LRRTM4: variants seen among roughly 807,000 people sequenced by gnomAD.
The protein encoded by LRRTM4 is leucine rich repeat transmembrane neuronal 4.
A neutral mutation model predicts 47.6 loss-of-function variants in LRRTM4; 25 were observed. That is an observed-to-expected ratio of 0.53 (90% confidence interval 0.38 to 0.73). LRRTM4 has a LOEUF of 0.73. Ranked by LOEUF, LRRTM4 falls within the 30% of genes least tolerant of loss-of-function variation. LRRTM4 has a pLI of 0.00. For missense variants in LRRTM4, 638 were observed against 713.4 expected (o/e 0.89, Z 1.20); for synonymous variants, 311 against 269.5 (o/e 1.15, Z -1.51).
At chr2:77,444,478 T>A (rs7566092) in intron 3 of LRRTM4, among the ~76,000 whole-genome samples, 116,528 of 151,876 alleles carry the variant, frequency 0.77, 44,834 homozygotes, top group African/African-American at 0.8. Flanking sequence ...ACAGGCTGAC[T>A]CAATTGATTA....
intron 3 of LRRTM4, among the ~76,000 whole-genome samples, chr2:76,952,817 G>T (rs556392300): frequency 6.6e-6 from 1 of 151,878 alleles, no homozygotes; most frequent in South Asian, 2.1e-4. Flanking sequence ...GGGGGACTGG[G>T]TGTGGTACAC....
In LRRTM4 at chr2:77,454,342, T is replaced by C. The variant is rs192138663; in HGVS notation, c.1551+63976A>G. On this transcript the variant is annotated intron_variant, in intron 3 of 3. Transcript: ENST00000409884. ...ACAAGAATCTGCTTTTTTAGTACTT[T>C]TACCCAATCATTTAAAGCTGTGACG... 2.6e-5 allele frequency among the ~76,000 whole-genome samples: 4 copies of C among 152,310 alleles called. No individual in the cohort carries two copies. The East Asian group carries it at 7.7e-4, about 29-fold the overall frequency.
intron 3 of LRRTM4, among the ~76,000 whole-genome samples, chr2:76,787,800 T>A (rs777910786): frequency 1.6e-4 from 25 of 152,190 alleles, no homozygotes; most frequent in Middle Eastern, 3.4e-3. Flanking sequence ...TGATTTTCTT[T>A]TCTGTCCAAG....
At chr2:77,390,606 A>C (rs1395978458) in intron 3 of LRRTM4, among the ~76,000 whole-genome samples, 1 of 151,900 alleles carries the variant, frequency 6.6e-6, no homozygotes, top group Admixed American at 6.6e-5. Flanking sequence ...TATTCTAGAA[A>C]GGACAAATTA....
At chr2:77,322,158 A>G (rs1348120431) in intron 3 of LRRTM4, among the ~76,000 whole-genome samples, 1 of 152,134 alleles carries the variant, frequency 6.6e-6, no homozygotes, top group African/African-American at 2.4e-5. Flanking sequence ...TTTGTTTCCA[A>G]AGCACTGTTT....
chr2:77,038,362 A>AT (rs201843098), intron 3 of LRRTM4, among the ~76,000 whole-genome samples: 571 of 151,712 alleles, frequency 3.8e-3, no homozygotes, highest in African/African-American at 0.013. Flanking sequence ...AGGCATGTTA[A>AT]GCTAACTGCA....
chr2:76,934,325 G>A (rs150968895), intron 3 of LRRTM4, among the ~76,000 whole-genome samples: 1 of 152,174 alleles, frequency 6.6e-6, no homozygotes, highest in East Asian at 1.9e-4. Flanking sequence ...TGGAGTAACT[G>A]TGTTAAAGGA....
intron 3 of LRRTM4, among the ~76,000 whole-genome samples, chr2:76,873,474 ATATATATATGTGTGTGTG>A (rs1418849220): frequency 8.4e-6 from 1 of 118,914 alleles, no homozygotes; most frequent in East Asian, 2.6e-4. Flanking sequence ...GTGTGTGTGT[ATATATATATGTGTGTGTG>A]TATATATATG....
chr2:77,326,098 C>T (rs929529604), intron 3 of LRRTM4, among the ~76,000 whole-genome samples: 18 of 152,098 alleles, frequency 1.2e-4, no homozygotes, highest in African/African-American at 3.4e-4. Flanking sequence ...ACAGAGATGC[C>T]GTGAGAAATT....
At chr2:77,483,492 C>A (rs2861057) in intron 3 of LRRTM4, among the ~76,000 whole-genome samples, 46,315 of 151,916 alleles carry the variant, frequency 0.3, 7,299 homozygotes, top group East Asian at 0.55. Flanking sequence ...AGATGTGCAT[C>A]ACCACGCTCA....
intron 3 of LRRTM4, among the ~76,000 whole-genome samples, chr2:77,006,669 G>A (rs957871105): frequency 6.6e-6 from 1 of 152,088 alleles, no homozygotes; most frequent in African/African-American, 2.4e-5. Flanking sequence ...TAGACTTCTG[G>A]GGATCATGGA....
intron 3 of LRRTM4, chr2:77,517,330 C>T (rs1459434264): frequency 2.5e-5 from 25 of 983,306 alleles, no homozygotes; most frequent in Non-Finnish European, 3.0e-5. Flanking sequence ...AGGGAGGATA[C>T]CCAGAACTCA....
At chr2:77,021,201 T>C (rs777819834) in intron 3 of LRRTM4, among the ~76,000 whole-genome samples, 1 of 149,686 alleles carries the variant, frequency 6.7e-6, no homozygotes, top group Non-Finnish European at 1.5e-5. Flanking sequence ...GATATATATA[T>C]ATCAGTGATG....
At chr2:77,153,192 G>A (rs927650356) in intron 3 of LRRTM4, among the ~76,000 whole-genome samples, 3 of 152,056 alleles carry the variant, frequency 2.0e-5, no homozygotes, top group Admixed American at 6.6e-5. Flanking sequence ...AACCAATACT[G>A]AGCCTCCTAA....
chr2:77,504,160 G>C (rs1032608841), intron 3 of LRRTM4, among the ~76,000 whole-genome samples: 1 of 151,632 alleles, frequency 6.6e-6, no homozygotes, highest in Non-Finnish European at 1.5e-5. Flanking sequence ...AAATGATATA[G>C]ATTCAGGTCA....
At chr2:77,085,738 T>C (rs1291367455) in intron 3 of LRRTM4, among the ~76,000 whole-genome samples, 1 of 152,208 alleles carries the variant, frequency 6.6e-6, no homozygotes, top group Non-Finnish European at 1.5e-5. Context: ...TCTATGTCTC[T>C]TTTCAGTATT....
At chr2:77,226,818 G>T (rs901505441) in intron 3 of LRRTM4, among the ~76,000 whole-genome samples, 1 of 151,882 alleles carries the variant, frequency 6.6e-6, no homozygotes, top group Non-Finnish European at 1.5e-5. Context: ...TTTTGCAGAG[G>T]CATAGGGGAA....
chr2:77,325,061 G>T (rs1324690337), intron 3 of LRRTM4, among the ~76,000 whole-genome samples: 2 of 152,112 alleles, frequency 1.3e-5, no homozygotes, highest in African/African-American at 4.8e-5. Flanking sequence ...TTAGTTGTTT[G>T]CTTGGCTCAC....
chr2:76,785,048 T>TATGAACATTGAATCTAGTCTGC (rs1260090855), intron 3 of LRRTM4, among the ~76,000 whole-genome samples: 1 of 152,136 alleles, frequency 6.6e-6, no homozygotes, highest in East Asian at 1.9e-4. Context: ...AATATGACTG[T>TATGAACATTGAATCTAGTCTGC]ATGAACATTG....
Sources: gnomAD v4.1 joint callset for allele counts (sites outside exome capture counted in the v4.1 genomes callset) on GRCh38, gnomAD v4.1.1 for gene constraint, MANE v1.5 for transcripts, NCBI Gene and HGNC (gene_info 2026-07-23, HGNC 2026-07-21) for gene names.